Variants in CFAP58 observed in about 807,000 individuals in gnomAD.
CFAP58 encodes cilia and flagella associated protein 58.
Under a neutral mutation model 119.5 loss-of-function variants are expected in CFAP58, and 88 were observed. The observed-to-expected ratio is 0.74, with a 90% CI of 0.62 to 0.88. CFAP58 has a LOEUF of 0.88. Ranked by LOEUF, CFAP58 falls within the 40% of genes least tolerant of loss-of-function variation. CFAP58 has a pLI of 0.00. For missense variants in CFAP58, 990 were observed against 1,021.2 expected, an observed-to-expected ratio of 0.97 and a Z score of 0.42; for synonymous variants, 365 against 366.3, an observed-to-expected ratio of 1.00 and a Z score of 0.04.
chr10:104,396,748 T>G (rs1381891030), intron 11 of CFAP58, among the ~76,000 whole-genome samples: 2 of 152,246 alleles, frequency 1.3e-5, no homozygotes, highest in African/African-American at 4.8e-5. Flanking sequence ...AACACTTGGA[T>G]AGGTGCAGAA....
At chr10:104,437,909 G>A (rs1159299075) in intron 15 of CFAP58, among the ~76,000 whole-genome samples, 1 of 151,938 alleles carries the variant, frequency 6.6e-6, no homozygotes, top group Non-Finnish European at 1.5e-5. Flanking sequence ...GAAATCATAA[G>A]AGCACAAACT....
intron 16 of CFAP58, among the ~76,000 whole-genome samples, chr10:104,449,378 T>G (rs1020809200): frequency 2.0e-5 from 3 of 152,172 alleles, no homozygotes; most frequent in Admixed American, 6.5e-5. Context: ...CTTCCTTTTC[T>G]CTTTTTGGTT....
chr10:104,405,609 C>G (rs949927062), intron 14 of CFAP58, among the ~76,000 whole-genome samples: 1 of 152,210 alleles, frequency 6.6e-6, no homozygotes, highest in Non-Finnish European at 1.5e-5. Context: ...GAATTGTACA[C>G]AACTAGTGAA....
chr10:104,446,239 G>C (rs933295492), intron 15 of CFAP58, among the ~76,000 whole-genome samples: 11 of 152,192 alleles, frequency 7.2e-5, no homozygotes, highest in Non-Finnish European at 1.5e-4. Context: ...TCATCACTTT[G>C]TAATTTGATT....
At chr10:104,407,934 T>C (rs752301351) in intron 15 of CFAP58, among the ~76,000 whole-genome samples, 6 of 152,274 alleles carry the variant, frequency 3.9e-5, no homozygotes, top group East Asian at 1.9e-4. Context: ...TGACCCCAAG[T>C]ATCTGCCTGC....
chr10:104,380,185 CGG>C lies in CFAP58; in HGVS notation c.1331_1332del (p.Arg444LeufsTer7). The C allele has an allele frequency of 6.2e-7, 1 of 1,613,930 alleles. No individual in the cohort carries two copies. ...CTTTCATCTGGAAAAGGAGCGTGAC[CGG>C]TACATCAACCAAGCCAGTGACCTTA... ...IIFHLEKERD[R>X]YINQASDLTQ... On this transcript the variant is annotated frameshift_variant, in exon 9 of 18. Coordinates refer to ENST00000369704, the MANE Select transcript of CFAP58 (RefSeq NM_001008723.2). LOFTEE classifies it high-confidence loss of function.
chr10:104,382,392 T>C (rs999763473), intron 9 of CFAP58: 1 of 527,054 alleles, frequency 1.9e-6, no homozygotes, highest in African/African-American at 1.9e-5. Context: ...TTCTTCCTGA[T>C]AAGCAATTTC....
intron 15 of CFAP58, among the ~76,000 whole-genome samples, chr10:104,446,512 GACTTTT>G (rs2013114985): frequency 2.0e-5 from 3 of 152,114 alleles, no homozygotes; most frequent in Non-Finnish European, 4.4e-5. Flanking sequence ...GATTTTTTAT[GACTTTT>G]ATATTTTCTG....
chr10:104,401,020 A>G (rs1471326263), intron 13 of CFAP58, 117 bp downstream of exon 13: 1 of 688,194 alleles, frequency 1.5e-6, no homozygotes, highest in Admixed American at 2.9e-5. Flanking sequence ...TACAAAATGA[A>G]GTTTACAGGA....
At chr10:104,382,891 A>T (rs11192028) in intron 9 of CFAP58, among the ~76,000 whole-genome samples, 23,631 of 152,212 alleles carry the variant, frequency 0.16, 2,053 homozygotes, top group Middle Eastern at 0.32. Context: ...TTTTTGTAGC[A>T]GTATGAAAAT....
chr10:104,429,173 G>A (rs1220115857), intron 15 of CFAP58, among the ~76,000 whole-genome samples: 1 of 152,178 alleles, frequency 6.6e-6, no homozygotes, highest in African/African-American at 2.4e-5. Flanking sequence ...TTGTCACAGA[G>A]GCTGGTGATG....
At chr10:104,361,390 T>G (rs17116961) in intron 2 of CFAP58, among the ~76,000 whole-genome samples, 1,749 of 152,268 alleles carry the variant, frequency 0.011, 43 homozygotes, top group African/African-American at 0.04. Flanking sequence ...GTAAAGAACA[T>G]CGTTGTGTGG....
intron 15 of CFAP58, among the ~76,000 whole-genome samples, chr10:104,409,914 C>T (rs903543663): frequency 6.6e-6 from 1 of 151,924 alleles, no homozygotes; most frequent in African/African-American, 2.4e-5. Flanking sequence ...TTTCTACCTT[C>T]TTATTTTCCC....
chr10:104,358,251 T>C, intron 1 of CFAP58, 90 bp from the exon 2 acceptor site: 1 of 1,317,690 alleles, frequency 7.6e-7, no homozygotes. Flanking sequence ...CATATGGAGG[T>C]GTTTCATTCA....
chr10:104,426,277 T>C (rs75471247), intron 15 of CFAP58, among the ~76,000 whole-genome samples: 3,321 of 152,110 alleles, frequency 0.022, 65 homozygotes, highest in South Asian at 0.054. Flanking sequence ...ATAGGGGACT[T>C]AGAAATTGAA....
intron 15 of CFAP58, among the ~76,000 whole-genome samples, chr10:104,420,285 A>G (rs2012634353): frequency 6.6e-6 from 1 of 152,188 alleles, no homozygotes; most frequent in Non-Finnish European, 1.5e-5. Flanking sequence ...GCCAGGAATA[A>G]CTTCCATAGC....
At chr10:104,378,322 C>G (rs1430460515) in intron 8 of CFAP58, among the ~76,000 whole-genome samples, 2 of 152,082 alleles carry the variant, frequency 1.3e-5, no homozygotes, top group African/African-American at 4.8e-5. Flanking sequence ...GTGGCTTTAT[C>G]TTTTATAGAA....
rs964558874 is a variant in CFAP58 at position 104,357,967 on chromosome 10, A to G, written c.10-374A>G. Among the ~76,000 whole-genome samples the G allele has an allele frequency of 9.4e-5, 10 of 105,902 alleles. 1 individual carries two copies. The highest frequency in any genetic ancestry group is 1.6e-4 in the Non-Finnish European group (9 of 57,218). 69.5% of individuals were successfully genotyped at this position (105,902 alleles called of 152,430 possible). A position where few individuals can be genotyped will look rare whatever the true frequency, so the allele number is the denominator to read the frequency against. On this transcript the variant is annotated intron_variant, in intron 1 of 17. Coordinates refer to ENST00000369704, the MANE Select transcript of CFAP58 (RefSeq NM_001008723.2). Reference sequence around the variant, plus strand: ...TGTACACATATATACACATATATGTACACATATGTACATATGTACACATAT... The same window carrying G: ...TGTACACATATATACACATATATGTGCACATATGTACATATGTACACATAT...
At position 104,364,894 on chromosome 10, in the gene CFAP58, G is replaced by T; in HGVS notation, c.597+5G>T. The stretch of plus-strand genomic sequence containing the variant: ...GCTGAACATGCCATCAGTCAGGTCT[G>T]CCATGGAGGGCAAGAAGAAGGAATA... On this transcript the variant is annotated splice_donor_5th_base_variant and intron_variant, in intron 4 of 17. Transcript: ENST00000369704. The T allele has an allele frequency of 6.2e-7, 1 of 1,609,744 alleles. No homozygotes were observed. The highest frequency in any genetic ancestry group is 8.5e-7 in the Non-Finnish European group (1 of 1,178,396).
Sources: gnomAD v4.1 joint callset for allele counts (sites outside exome capture counted in the v4.1 genomes callset) on GRCh38, gnomAD v4.1.1 for gene constraint, MANE v1.5 for transcripts, NCBI Gene and HGNC (gene_info 2026-07-23, HGNC 2026-07-21) for gene names.